NOL4: variants seen among roughly 807,000 people sequenced by gnomAD.
The protein encoded by NOL4 is nucleolar protein 4.
A neutral mutation model predicts 75.9 loss-of-function variants in NOL4; 17 were observed. That is an observed-to-expected ratio of 0.22 (90% CI 0.15 to 0.34). The LOEUF is 0.34. Ranked by LOEUF, NOL4 falls within the 10% of genes least tolerant of loss-of-function variation. NOL4 has a pLI of 1.00. For missense variants in NOL4, 614 were observed against 793.5 expected (o/e 0.77, Z 2.72); for synonymous variants, 292 against 289.9 (o/e 1.01, Z -0.07).
intron 5 of NOL4, among the ~76,000 whole-genome samples, chr18:34,059,122 C>CATATATATATATATATATATATAT (rs55773398): frequency 8.5e-6 from 1 of 118,210 alleles, no homozygotes; most frequent in Non-Finnish European, 1.7e-5. Context: ...GATAGATATA[C>CATATATATATATATATATATATAT]ATATATATAT....
rs530792420 is a variant in NOL4 at position 33,943,180 on chromosome 18, T to TAA, written c.1429-4_1429-3dup. 1.3e-4 allele frequency: 163 copies of TAA among 1,282,872 alleles called. No individual in the cohort carries two copies. The highest frequency in any genetic ancestry group is 2.0e-4 in the Middle Eastern group (1 of 4,968). The allele number at this position is 1,282,872 out of a possible 1,614,324, so 79.5% of individuals were successfully genotyped here. A position where few individuals can be genotyped will look rare whatever the true frequency, so the allele number is the denominator to read the frequency against. On this transcript the variant is annotated splice_region_variant and splice_polypyrimidine_tract_variant and intron_variant, in intron 8 of 10. Coordinates refer to ENST00000261592, the MANE Select transcript of NOL4 (RefSeq NM_003787.5). ...AAGGTGGGAAGGAATAGGTCGAGACTAAAAAAAAAAAGAGAAAAGTATGAA... is the reference window on the plus strand; with the variant it reads ...AAGGTGGGAAGGAATAGGTCGAGACTAAAAAAAAAAAAAGAGAAAAGTATGAA...
chr18:33,900,963 C>A (rs2065714377), intron 9 of NOL4, among the ~76,000 whole-genome samples: 1 of 152,114 alleles, frequency 6.6e-6, no homozygotes. Context: ...TAGCATGCTA[C>A]AAATTGGTTT....
intron 10 of NOL4, among the ~76,000 whole-genome samples, chr18:33,878,779 C>G (rs1203639672): frequency 1.3e-5 from 2 of 152,008 alleles, no homozygotes; most frequent in Non-Finnish European, 2.9e-5. Flanking sequence ...GAAGTTCCTA[C>G]TGGTACTACC....
chr18:34,181,267 T>C (rs1460224788), intron 1 of NOL4, among the ~76,000 whole-genome samples: 2 of 151,538 alleles, frequency 1.3e-5, no homozygotes, highest in African/African-American at 2.4e-5. Flanking sequence ...AGTAAACACA[T>C]ATAGTTATGT....
chr18:34,060,945 T>C (rs1285288809), intron 5 of NOL4, among the ~76,000 whole-genome samples: 1 of 152,212 alleles, frequency 6.6e-6, no homozygotes, highest in East Asian at 1.9e-4. Flanking sequence ...ACATCATTCC[T>C]GCCTTGCTGC....
intron 1 of NOL4, among the ~76,000 whole-genome samples, chr18:34,188,450 T>C (rs1171759924): frequency 6.6e-6 from 1 of 152,202 alleles, no homozygotes; most frequent in Non-Finnish European, 1.5e-5. Context: ...TTGAAAATAT[T>C]ATAGCAGACA....
At chr18:33,898,635 C>G (rs545644430) in intron 9 of NOL4, among the ~76,000 whole-genome samples, 73 of 152,244 alleles carry the variant, frequency 4.8e-4, no homozygotes, top group Middle Eastern at 3.4e-3. Context: ...ATCTGAGAAG[C>G]ACTTATTGTC....
intron 1 of NOL4, among the ~76,000 whole-genome samples, chr18:34,148,081 T>C (rs1393904367): frequency 2.0e-5 from 3 of 152,142 alleles, no homozygotes; most frequent in Admixed American, 6.6e-5. Flanking sequence ...TTATTTTTTA[T>C]TGTGTCTGTT....
chr18:34,136,140 C>A (rs1473535241), intron 1 of NOL4, among the ~76,000 whole-genome samples: 1 of 152,170 alleles, frequency 6.6e-6, no homozygotes, highest in Non-Finnish European at 1.5e-5. Context: ...AGCCAACATA[C>A]TTCCCTGACA....
intron 2 of NOL4, among the ~76,000 whole-genome samples, chr18:34,111,216 T>C (rs982764660): frequency 1.3e-5 from 2 of 152,164 alleles, no homozygotes; most frequent in African/African-American, 4.8e-5. Context: ...TGACAACCCA[T>C]AGAATGGAGG....
chr18:34,074,266 T>A (rs114635895), intron 5 of NOL4, among the ~76,000 whole-genome samples: 5,887 of 151,770 alleles, frequency 0.039, 114 homozygotes, highest in African/African-American at 0.047. Flanking sequence ...TTTATATGCA[T>A]TATTTCATTA....
chr18:33,941,948 A>G (rs1234080513), intron 9 of NOL4, among the ~76,000 whole-genome samples: 3 of 151,948 alleles, frequency 2.0e-5, no homozygotes, highest in African/African-American at 7.2e-5. Context: ...CACATTCTAA[A>G]TTGACATTTT....
At chr18:34,134,227 TA>T (rs1237754239) in intron 1 of NOL4, among the ~76,000 whole-genome samples, 1 of 152,118 alleles carries the variant, frequency 6.6e-6, no homozygotes, top group East Asian at 1.9e-4. Flanking sequence ...TATAGCTATA[TA>T]AAATTAAAAT....
intron 1 of NOL4, among the ~76,000 whole-genome samples, chr18:34,162,906 T>C (rs1463603087): frequency 6.6e-6 from 1 of 152,236 alleles, no homozygotes; most frequent in Non-Finnish European, 1.5e-5. Context: ...TCAAGTGGGC[T>C]TCATCCCTGG....
intron 8 of NOL4, among the ~76,000 whole-genome samples, chr18:33,950,313 A>C (rs918556327): frequency 5.9e-5 from 9 of 152,056 alleles, no homozygotes; most frequent in Non-Finnish European, 5.9e-5. Flanking sequence ...CTAAACATTT[A>C]AAATATATTA....
intron 1 of NOL4, among the ~76,000 whole-genome samples, chr18:34,151,462 A>G (rs2081633445): frequency 6.6e-6 from 1 of 151,852 alleles, no homozygotes; most frequent in East Asian, 1.9e-4. Context: ...GAAAGGTCTA[A>G]ATACTATATG....
rs534000841 is a variant in NOL4, at chr18:34,121,321, G to A, written c.414+8550C>T. 5.3e-5 allele frequency: 8 copies of A among 152,220 alleles called. No homozygotes were observed. The East Asian group carries it at 1.5e-3, about 29-fold the overall frequency. The allele number at this position is 152,220 out of a possible 1,614,324, so 9.4% of individuals were successfully genotyped here. The stretch of plus-strand genomic sequence containing the variant: ...CATTTATATTTCCCTTGGGCCCTAG[G>A]GGAGAACCACAAAGAATGCCACTTT... On this transcript the variant is annotated intron_variant, in intron 2 of 10. Coordinates refer to ENST00000261592, the MANE Select transcript of NOL4 (RefSeq NM_003787.5).
chr18:33,853,738 G>C (rs2062719890), intron 10 of NOL4, among the ~76,000 whole-genome samples: 1 of 151,846 alleles, frequency 6.6e-6, no homozygotes, highest in African/African-American at 2.4e-5. Context: ...TAGACATTTG[G>C]AATACTGACT....
At chr18:34,071,193 A>G (rs2077499492) in intron 5 of NOL4, among the ~76,000 whole-genome samples, 3 of 152,126 alleles carry the variant, frequency 2.0e-5, no homozygotes, top group Non-Finnish European at 4.4e-5. Flanking sequence ...ATGTATCAAA[A>G]TTTATATTGT....
Sources: gnomAD v4.1 joint callset for allele counts (sites outside exome capture counted in the v4.1 genomes callset) on GRCh38, gnomAD v4.1.1 for gene constraint, MANE v1.5 for transcripts, NCBI Gene and HGNC (gene_info 2026-07-23, HGNC 2026-07-21) for gene names.